Variants in PTPRG observed in about 807,000 individuals in gnomAD.
The protein encoded by PTPRG is receptor-type tyrosine-protein phosphatase gamma.
In PTPRG, 102 loss-of-function variants were observed where a neutral mutation model predicts 165.3. That is an observed-to-expected ratio of 0.62 (90% CI 0.53 to 0.73). The LOEUF (loss-of-function observed/expected upper bound fraction) is 0.73, where lower values mean the gene tolerates loss of function less well. Ranked by LOEUF, PTPRG falls within the 30% of genes least tolerant of loss-of-function variation. PTPRG has a pLI of 0.00. For missense variants in PTPRG, 1,866 were observed against 1,861.4 expected (o/e 1.00, Z -0.05); for synonymous variants, 675 against 669.5 (o/e 1.01, Z -0.13).
intron 4 of PTPRG, among the ~76,000 whole-genome samples, chr3:62,021,743 A>G (rs1165635280): frequency 1.3e-5 from 2 of 152,130 alleles, no homozygotes; most frequent in Non-Finnish European, 2.9e-5. Flanking sequence ...GAAACTGTCT[A>G]TAATAATAGT....
intron 1 of PTPRG, among the ~76,000 whole-genome samples, chr3:61,597,609 T>G (rs13074575): frequency 0.096 from 14,564 of 152,222 alleles, 770 homozygotes; most frequent in East Asian, 0.22. Context: ...AGGATTTGGT[T>G]TTAGGTCATT....
At chr3:61,630,710 C>T (rs1382152405) in intron 1 of PTPRG, among the ~76,000 whole-genome samples, 2 of 152,126 alleles carry the variant, frequency 1.3e-5, no homozygotes, top group East Asian at 1.9e-4. Flanking sequence ...GAAATATTCG[C>T]ACACTTGCCC....
chr3:61,743,761 T>G (rs2033093530), intron 1 of PTPRG, among the ~76,000 whole-genome samples: 1 of 152,242 alleles, frequency 6.6e-6, no homozygotes, highest in African/African-American at 2.4e-5. Flanking sequence ...CACCATGTCC[T>G]CCCTCTTGTT....
Position 62,271,608 on chromosome 3 carries a change from C to T in PTPRG, c.3182+53C>T. 1 of 1,522,652 alleles carries T rather than the reference C, an allele frequency of 6.6e-7. No individual in the cohort carries two copies. The highest frequency in any genetic ancestry group is 1.3e-5 in the South Asian group (1 of 79,676). The allele number at this position is 1,522,652 out of a possible 1,614,324, so 94.3% of individuals were successfully genotyped here. On this transcript the variant is annotated intron_variant, in intron 21 of 29. Transcript: ENST00000474889. This position sits in a 1 kb window ranked among gnomAD's most constrained non-coding sequence, Gnocchi z 4.1. ...TAGATGGGGCAGGGGACTTAGGCCT[C>T]AGTGACCTTGGACCACAATGATTGC...
At chr3:62,114,763 A>G (rs1435526424) in intron 5 of PTPRG, among the ~76,000 whole-genome samples, 1 of 151,306 alleles carries the variant, frequency 6.6e-6, no homozygotes, top group African/African-American at 2.4e-5. Flanking sequence ...TTCCATCTCA[A>G]CCTCCTGAGC....
chr3:61,610,196 G>A (rs1296577700), intron 1 of PTPRG, among the ~76,000 whole-genome samples: 2 of 151,522 alleles, frequency 1.3e-5, no homozygotes, highest in Non-Finnish European at 2.9e-5. Flanking sequence ...TTGTAGGGAT[G>A]TGAGGATTAA....
chr3:62,028,965 C>G lies in PTPRG; in HGVS notation c.519+25468C>G, dbSNP rs543902254. Among the ~76,000 whole-genome samples, 25 of 152,276 alleles carry G rather than the reference C, an allele frequency of 1.6e-4. No individual in the cohort carries two copies. The South Asian group carries it at 5.0e-3, about 30-fold the overall frequency. On this transcript the variant is annotated intron_variant, in intron 4 of 29. Coordinates refer to ENST00000474889, the MANE Select transcript of PTPRG (RefSeq NM_002841.4). ...GCCAAAGACCCAGGAACGACAACCTCATTGGTCCATCTTGGGTCAGGTGGT... is the reference window on the plus strand; with the variant it reads ...GCCAAAGACCCAGGAACGACAACCTGATTGGTCCATCTTGGGTCAGGTGGT...
chr3:61,848,981 G>A (rs1184079018), intron 2 of PTPRG, among the ~76,000 whole-genome samples: 3 of 152,174 alleles, frequency 2.0e-5, no homozygotes, highest in South Asian at 2.1e-4. Context: ...GTTCCTTCCC[G>A]GAGTGTTTGT....
chr3:61,865,818 G>C (rs1413410556), intron 2 of PTPRG, among the ~76,000 whole-genome samples: 1 of 152,158 alleles, frequency 6.6e-6, no homozygotes, highest in Non-Finnish European at 1.5e-5. Context: ...GAAGGCCTGT[G>C]GTGTTGTGCT....
chr3:62,095,245 A>C (rs760639342), intron 5 of PTPRG, among the ~76,000 whole-genome samples: 11 of 152,220 alleles, frequency 7.2e-5, no homozygotes, highest in African/African-American at 2.2e-4. Flanking sequence ...CCGTGATGCT[A>C]TCAGTTACAG....
intron 5 of PTPRG, among the ~76,000 whole-genome samples, chr3:62,099,284 C>T (rs576135514): frequency 6.6e-6 from 1 of 152,294 alleles, no homozygotes; most frequent in Admixed American, 6.5e-5. Context: ...TAAGCAAGCC[C>T]TTACTGTGGA....
chr3:62,262,597 A>G (rs1576190774), intron 16 of PTPRG: 1 of 428,150 alleles, frequency 2.3e-6, no homozygotes, highest in African/African-American at 2.0e-5. Context: ...TTGATGAAAT[A>G]GTAAATAATG....
chr3:62,214,024 G>T lies in PTPRG; in HGVS notation c.2156-4827G>T, dbSNP rs941483777. Among the ~76,000 whole-genome samples the T allele has an allele frequency of 2.6e-5, 4 of 152,216 alleles. No homozygotes were observed. The South Asian group carries it at 8.3e-4, about 32-fold the overall frequency. ...CCAGCCTGGGCAACATATCAAGAAA[G>T]TGTCTCTACCAAAAAAAAGAGGGAA... On this transcript the variant is annotated intron_variant, in intron 12 of 29. Coordinates refer to ENST00000474889, the MANE Select transcript of PTPRG (RefSeq NM_002841.4). The surrounding 1 kb of genome is among the most constrained non-coding windows in gnomAD (Gnocchi z 5.2).
chr3:62,267,874 T>C, intron 19 of PTPRG, 55 bp downstream of exon 19: 1 of 1,580,774 alleles, frequency 6.3e-7, no homozygotes, highest in Non-Finnish European at 8.6e-7. Context: ...AAAAGATACT[T>C]GTGGAGTACC....
intron 1 of PTPRG, among the ~76,000 whole-genome samples, chr3:61,643,947 T>C (rs1370848976): frequency 6.6e-6 from 1 of 152,200 alleles, no homozygotes; most frequent in African/African-American, 2.4e-5. Flanking sequence ...AAGGAACAGG[T>C]GAGGCTTCCA....
intron 1 of PTPRG, among the ~76,000 whole-genome samples, chr3:61,566,040 G>A (rs780509934): frequency 3.3e-5 from 5 of 151,984 alleles, no homozygotes; most frequent in Non-Finnish European, 7.4e-5. Context: ...TAAAATCTTT[G>A]ATGTTTCCTT....
intron 5 of PTPRG, among the ~76,000 whole-genome samples, chr3:62,091,362 A>C (rs902768373): frequency 6.6e-6 from 1 of 152,328 alleles, no homozygotes. Flanking sequence ...CTTTCTTACT[A>C]CTTTAAAGAG....
chr3:61,566,133 G>C (rs1446498487), intron 1 of PTPRG, among the ~76,000 whole-genome samples: 3 of 152,202 alleles, frequency 2.0e-5, no homozygotes, highest in Non-Finnish European at 4.4e-5. Flanking sequence ...GGAAATAGGG[G>C]AAGTTGCTGT....
chr3:62,146,631 T>TTA lies in PTPRG; in HGVS notation c.683-10436_683-10435insTA, dbSNP rs1704133386. Among the ~76,000 whole-genome samples, 6 of 146,196 alleles carry TTA rather than the reference T, an allele frequency of 4.1e-5. No individual in the cohort carries two copies. The South Asian group carries it at 1.3e-3, about 32-fold the overall frequency. ...GCTCATATGTATTGCCTGTTGCTTT[T>TTA]AAAAAAAAAAAAAAATACGCCGCCC... On this transcript the variant is annotated intron_variant, in intron 6 of 29. Transcript: ENST00000474889.
Sources: gnomAD v4.1 joint callset for allele counts (sites outside exome capture counted in the v4.1 genomes callset) on GRCh38, gnomAD v4.1.1 for gene constraint, Gnocchi (gnomAD v3.1) non-coding constraint, MANE v1.5 for transcripts, NCBI Gene and HGNC (gene_info 2026-07-23, HGNC 2026-07-21) for gene names.